Variants in ASPG observed in about 807,000 individuals in gnomAD.
The protein encoded by ASPG is 60 kDa lysophospholipase.
In ASPG, 53 loss-of-function variants were observed where a neutral mutation model predicts 63.2. That is an observed-to-expected ratio of 0.84 (90% CI 0.67 to 1.05). The LOEUF is 1.05. Among genes scored for constraint, ASPG ranks in the 50% least tolerant of loss-of-function variants. ASPG has a pLI of 0.00. For synonymous variants in ASPG, 370 were observed against 355.0 expected (o/e 1.04, Z -0.48); for missense variants, 741 against 794.4 (o/e 0.93, Z 0.81).
rs188647060 is a variant in ASPG at position 104,103,668 on chromosome 14, C to T, written c.746C>T (p.Ala249Val). Residue 249 changes from alanine (A) to valine (V), a missense_variant, in exon 7 of 16, where the codon GCC becomes GTC. Ala to Val is a moderately conservative substitution (Grantham distance 64). Coordinates refer to ENST00000551177, the MANE Select transcript of ASPG (RefSeq NM_001080464.3). ...CTGCGCCTCTACCCTGGGATCCCTG[C>T]CGCCCTGGTAGGGACCGCCCCGGCC... ...GLLRLYPGIP[A>V]ALVRAFLQPP... is the part of the protein sequence containing the mutation. 8.3e-5 allele frequency: 129 copies of T among 1,547,582 alleles called. No homozygotes were observed. The East Asian group carries it at 2.5e-3, about 30-fold the overall frequency.
chr14:104,085,961 A>G (rs886227841), intron 1 of ASPG, 109 bp downstream of exon 1: 44 of 1,033,774 alleles, frequency 4.3e-5, no homozygotes, highest in Non-Finnish European at 5.8e-5. Flanking sequence ...CCGCGCCTGG[A>G]TGGGGGGTGC....
rs954079150 is a variant in ASPG, at chr14:104,110,760, C to T, written c.1521-742C>T. 7.1e-6 allele frequency: 7 copies of T among 985,260 alleles called. No individual in the cohort carries two copies. The highest frequency in any genetic ancestry group is 6.1e-5 in the Admixed American group (1 of 16,278). 61.0% of individuals were successfully genotyped at this position (985,260 alleles called of 1,614,324 possible). Reference sequence around the variant, plus strand: ...CTCACCAGGCCACTTCCCCCAGCCCCTGCACACCATGGGTGGGTGGAGCCT... The same window carrying T: ...CTCACCAGGCCACTTCCCCCAGCCCTTGCACACCATGGGTGGGTGGAGCCT... On this transcript the variant is annotated intron_variant, in intron 13 of 15. Transcript: ENST00000551177. The surrounding 1 kb of genome is among the most constrained non-coding windows in gnomAD (Gnocchi z 4.7).
chr14:104,111,832 AG>A, intron 14 of ASPG, 87 bp from the exon 15 acceptor site: 1 of 1,324,550 alleles, frequency 7.5e-7, no homozygotes. Flanking sequence ...GGCTGGGGAC[AG>A]GGGAGGGCAT....
chr14:104,103,426 C>A (rs1214340309), intron 6 of ASPG, 137 bp from the exon 7 acceptor site: 2 of 716,342 alleles, frequency 2.8e-6, no homozygotes. Context: ...GGAGGCAGGG[C>A]GAGGGGGCTG....
rs1439696952 is a variant in ASPG at position 104,112,641 on chromosome 14, C to A, written c.*97C>A. The stretch of plus-strand genomic sequence containing the variant: ...CCCCACTGCTGGGGCTGCTTCCCAG[C>A]CTGCTCTCATGTAAAGCCTGAAGGC... On this transcript the variant is annotated 3_prime_UTR_variant, in exon 16 of 16. Transcript: ENST00000551177. The A allele has an allele frequency of 6.4e-7, 1 of 1,557,292 alleles. No individual in the cohort carries two copies. Among genetic ancestry groups the A allele is most frequent in the Middle Eastern group, 1.7e-4 (1 of 6,004 alleles).
intron 4 of ASPG, among the ~76,000 whole-genome samples, 151 bp downstream of exon 4, chr14:104,095,807 G>C (rs973759364): frequency 6.6e-6 from 1 of 152,236 alleles, no homozygotes; most frequent in African/African-American, 2.4e-5. Flanking sequence ...GCTGGGGCTC[G>C]CAAATGCTCA....
intron 12 of ASPG, chr14:104,108,950 G>C (rs1384715752): frequency 1.0e-6 from 1 of 985,410 alleles, no homozygotes; most frequent in Non-Finnish European, 1.2e-6. Context: ...TGGGTGCTGG[G>C]TGCGGGGCTG....
chr14:104,093,380 T>G, intron 2 of ASPG, 111 bp from the exon 3 acceptor site: 4 of 989,874 alleles, frequency 4.0e-6, no homozygotes, highest in Non-Finnish European at 6.3e-6. Flanking sequence ...GCCCTTGGCG[T>G]AGGGGCCCCA....
At chr14:104,098,677 G>T (rs1343963387) in intron 5 of ASPG, among the ~76,000 whole-genome samples, 176 bp from the exon 6 acceptor site, 1 of 152,138 alleles carries the variant, frequency 6.6e-6, no homozygotes, top group East Asian at 1.9e-4. Context: ...GGCAGGAAAG[G>T]GCCCGAGAGG....
At chr14:104,098,726 G>A (rs2036736806) in intron 5 of ASPG, 127 bp from the exon 6 acceptor site, 22 of 1,420,596 alleles carry the variant, frequency 1.5e-5, no homozygotes, top group Non-Finnish European at 2.1e-5. Context: ...GCCTGCGGTG[G>A]GTGGGGTTAC....
Position 104,109,315 on chromosome 14 carries a change from G to A in ASPG, c.1520G>A (p.Arg507Lys). The change falls in exon 13 of 16, where the codon AGG becomes AAG. Residue 507 changes from arginine (R) to lysine (K), a missense_variant and splice_region_variant. Coordinates refer to ENST00000551177, the MANE Select transcript of ASPG (RefSeq NM_001080464.3). This position sits in a 1 kb window ranked among gnomAD's most constrained non-coding sequence, Gnocchi z 4.8. ...GAGGAAGCAGGGACGGAGCTGTGCAGGTGAGTGCAGCTAGAGCACCTGCTC... is the reference window on the plus strand; with the variant it reads ...GAGGAAGCAGGGACGGAGCTGTGCAAGTGAGTGCAGCTAGAGCACCTGCTC... ...ELEEAGTELC[R>K]LAYRADLEGL... 5 of 1,608,014 alleles carry A rather than the reference G, an allele frequency of 3.1e-6. No individual in the cohort carries two copies. The highest frequency in any genetic ancestry group is 4.2e-6 in the Non-Finnish European group (5 of 1,177,532).
chr14:104,107,826 C>G (rs573721811), intron 12 of ASPG, among the ~76,000 whole-genome samples: 32 of 152,310 alleles, frequency 2.1e-4, no homozygotes, highest in African/African-American at 7.5e-4. Context: ...GCGTGGGGGG[C>G]GGGGCCAGCA....
At chr14:104,099,699 C>T (rs943530213) in intron 6 of ASPG, among the ~76,000 whole-genome samples, 7 of 152,230 alleles carry the variant, frequency 4.6e-5, no homozygotes, top group Admixed American at 4.6e-4. Flanking sequence ...ACGCCAGCAC[C>T]CCTCCCTGAG....
In ASPG at chr14:104,109,164, C is replaced by T. The variant is rs2037277125; in HGVS notation, c.1434-65C>T. Reference sequence around the variant, plus strand: ...CACAGGACATGAGCTCTGCTGGCTCCTGAGTGAGGTGCAGCGGGGCTGGGC... The same window carrying T: ...CACAGGACATGAGCTCTGCTGGCTCTTGAGTGAGGTGCAGCGGGGCTGGGC... On this transcript the variant is annotated intron_variant, in intron 12 of 15. Transcript: ENST00000551177. This position sits in a 1 kb window ranked among gnomAD's most constrained non-coding sequence, Gnocchi z 4.8. 7 of 1,587,624 alleles carry T rather than the reference C, an allele frequency of 4.4e-6. No homozygotes were observed. The highest frequency in any genetic ancestry group is 1.7e-4 in the Middle Eastern group (1 of 5,970).
rs1196120737 is a variant in ASPG at position 104,115,522 on chromosome 14, T to C, written c.*2978T>C. The C allele has an allele frequency of 1.3e-5, 2 of 152,096 alleles. No homozygotes were observed. The highest frequency in any genetic ancestry group is 2.9e-5 in the Non-Finnish European group (2 of 68,030). The allele number at this position is 152,096 out of a possible 1,614,324, so 9.4% of individuals were successfully genotyped here. On this transcript the variant is annotated 3_prime_UTR_variant, in exon 16 of 16. Coordinates refer to ENST00000551177, the MANE Select transcript of ASPG (RefSeq NM_001080464.3). Reference sequence around the variant, plus strand: ...GGTGGATAGCTTGAGCCTAGGAGTTTGAGAACAGCCAACATGGCGAAACTC... The same window carrying C: ...GGTGGATAGCTTGAGCCTAGGAGTTCGAGAACAGCCAACATGGCGAAACTC...
Position 104,110,360 on chromosome 14 carries a change from T to A in ASPG, c.1520+1045T>A. 1 of 985,336 alleles carries A rather than the reference T, an allele frequency of 1.0e-6. No individual in the cohort carries two copies. The highest frequency in any genetic ancestry group is 1.2e-6 in the Non-Finnish European group (1 of 829,886). The allele number at this position is 985,336 out of a possible 1,614,324, so 61.0% of individuals were successfully genotyped here. Reference sequence around the variant, plus strand: ...CCGGCCCACAACCCCTGGTCTTGCTTTTGAAGGGACTTCCGGGGTGACTTG... The same window carrying A: ...CCGGCCCACAACCCCTGGTCTTGCTATTGAAGGGACTTCCGGGGTGACTTG... On this transcript the variant is annotated intron_variant, in intron 13 of 15. Transcript: ENST00000551177. The surrounding 1 kb of genome is among the most constrained non-coding windows in gnomAD (Gnocchi z 4.7).
chr14:104,107,053 A>T, intron 11 of ASPG, 129 bp from the exon 12 acceptor site: 2 of 1,351,996 alleles, frequency 1.5e-6, no homozygotes, highest in Admixed American at 2.6e-5. Flanking sequence ...GTCAGGTCTC[A>T]CTGAGGCTTT....
In ASPG at chr14:104,111,872, T is replaced by C. The variant is rs2037393969; in HGVS notation, c.1621-48T>C. The C allele has an allele frequency of 2.6e-6, 4 of 1,521,610 alleles. No individual in the cohort carries two copies. In the East Asian group the frequency reaches 7.4e-5, roughly 28 times the overall value. 94.3% of individuals were successfully genotyped at this position (1,521,610 alleles called of 1,614,324 possible). A position where few individuals can be genotyped will look rare whatever the true frequency, so the allele number is the denominator to read the frequency against. On this transcript the variant is annotated intron_variant, in intron 14 of 15. Coordinates refer to ENST00000551177, the MANE Select transcript of ASPG (RefSeq NM_001080464.3). ...GGGGATGGGGATCCTTGGGCCAGGC[T>C]GCTAGTCAGTGGCCCCAAGGCAGCC...
chr14:104,099,119 CCCTGGGCTGTGGAGA>C, intron 6 of ASPG, 140 bp downstream of exon 6: 1 of 1,372,662 alleles, frequency 7.3e-7, no homozygotes. Context: ...CTTGGTTCTG[CCCTGGGCTGTGGAGA>C]AGCCAGGGCT....
Sources: gnomAD v4.1 joint callset for allele counts (sites outside exome capture counted in the v4.1 genomes callset) on GRCh38, gnomAD v4.1.1 for gene constraint, Gnocchi (gnomAD v3.1) non-coding constraint, MANE v1.5 for transcripts, NCBI Gene and HGNC (gene_info 2026-07-23, HGNC 2026-07-21) for gene names.